Variants in PRRC2B observed in about 807,000 individuals in gnomAD.
PRRC2B encodes the protein protein PRRC2B.
A neutral mutation model predicts 242.3 loss-of-function variants in PRRC2B; 68 were observed. The observed-to-expected ratio is 0.28, with a 90% confidence interval of 0.23 to 0.34. The LOEUF is 0.34. PRRC2B is among the 10% of genes least tolerant of loss of function. The pLI is 1.00. For synonymous variants in PRRC2B, 1,228 were observed against 1,173.6 expected (o/e 1.05, Z -0.95); for missense variants, 2,835 against 2,954.8 (o/e 0.96, Z 0.94).
chr9:131,419,114 A>G (rs1837732391), intron 1 of PRRC2B, among the ~76,000 whole-genome samples: 2 of 152,200 alleles, frequency 1.3e-5, no homozygotes, highest in South Asian at 4.1e-4. Context: ...CCATAAGGCC[A>G]TCTATTGTAA....
At chr9:131,374,747 G>A (rs921567799) in intron 1 of PRRC2B, among the ~76,000 whole-genome samples, 8 of 152,034 alleles carry the variant, frequency 5.3e-5, no homozygotes, top group African/African-American at 2.4e-5. Context: ...GTCTGGTCTC[G>A]AACTCCTGAC....
At chr9:131,430,054 C>A (rs1480273192) in intron 1 of PRRC2B, 40 bp from the exon 2 acceptor site, 16 of 524,670 alleles carry the variant, frequency 3.0e-5, no homozygotes, top group South Asian at 5.5e-5. Flanking sequence ...TTTTTTTTTT[C>A]TCTCTCTTTT....
At position 131,475,765 on chromosome 9, in the gene PRRC2B, C is replaced by T. The variant is rs775660396; in HGVS notation, c.3636C>T (p.Cys1212=). 26 of 1,613,354 alleles carry T rather than the reference C, an allele frequency of 1.6e-5. No individual in the cohort carries two copies. In the Middle Eastern group the frequency reaches 6.6e-4, roughly 41 times the overall value. ...CCCTCCCTCCCCGGCTGAGCAATTG[C>T]GGGTATGGACGGAGAACCTTCGTCT... ...GRALPPRLSN[C]GYGRRTFVSK... The change falls in exon 16 of 32, where the codon TGC becomes TGT. Residue 1212 remains cysteine (C), a synonymous_variant. Coordinates refer to ENST00000683519, the MANE Select transcript of PRRC2B (RefSeq NM_013318.4).
At chr9:131,422,419 G>T (rs1837870990) in intron 1 of PRRC2B, among the ~76,000 whole-genome samples, 1 of 152,190 alleles carries the variant, frequency 6.6e-6, no homozygotes, top group East Asian at 1.9e-4. Context: ...ACAGGCAGTA[G>T]TATCTTCCAG....
chr9:131,394,515 C>T (rs917950786), intron 1 of PRRC2B, among the ~76,000 whole-genome samples: 1 of 147,716 alleles, frequency 6.8e-6, no homozygotes, highest in Non-Finnish European at 1.5e-5. Flanking sequence ...GTGGCGGCGC[C>T]GCGCGGCCTC....
chr9:131,418,690 G>A (rs993503670), intron 1 of PRRC2B, among the ~76,000 whole-genome samples: 2 of 152,338 alleles, frequency 1.3e-5, no homozygotes, highest in South Asian at 4.1e-4. Context: ...GCTGCAGCTG[G>A]CTGGGACGTG....
intron 1 of PRRC2B, among the ~76,000 whole-genome samples, chr9:131,424,327 G>A (rs1837926223): frequency 6.6e-6 from 1 of 152,080 alleles, no homozygotes; most frequent in African/African-American, 2.4e-5. Flanking sequence ...CACTCCTTCA[G>A]TAGATGAGGA....
At position 131,439,068 on chromosome 9, in the gene PRRC2B, G is replaced by C; in HGVS notation, c.469+7G>C. On this transcript the variant is annotated splice_region_variant and intron_variant, in intron 5 of 31. Coordinates refer to ENST00000683519, the MANE Select transcript of PRRC2B (RefSeq NM_013318.4). ...CCAGTAGGACACGAAGGTGGTAAGT[G>C]CGCACGTGTGTGTGTTGTTTGGGGA... is the stretch of plus-strand genomic sequence containing the variant. 1.2e-5 allele frequency: 20 copies of C among 1,612,996 alleles called. No individual in the cohort carries two copies. Among genetic ancestry groups the C allele is most frequent in the Non-Finnish European group, 1.7e-5 (20 of 1,179,208 alleles).
chr9:131,430,877 G>C (rs1277112232), intron 2 of PRRC2B, among the ~76,000 whole-genome samples: 1 of 151,876 alleles, frequency 6.6e-6, no homozygotes, highest in African/African-American at 2.4e-5. Context: ...ACAGGTGTGA[G>C]CCACTGTGCC....
At chr9:131,489,267 C>T (rs1588283136) in intron 28 of PRRC2B, among the ~76,000 whole-genome samples, 1 of 151,344 alleles carries the variant, frequency 6.6e-6, no homozygotes, top group East Asian at 1.9e-4. Context: ...TCACTGCAAC[C>T]TCTCTGTCTC....
At chr9:131,422,157 C>T (rs1378323666) in intron 1 of PRRC2B, among the ~76,000 whole-genome samples, 7 of 152,078 alleles carry the variant, frequency 4.6e-5, no homozygotes, top group African/African-American at 1.4e-4. Context: ...CGGGTTCAAG[C>T]GATTCTCCTG....
intron 1 of PRRC2B, among the ~76,000 whole-genome samples, chr9:131,427,406 C>T (rs1338026575): frequency 6.6e-6 from 1 of 152,122 alleles, no homozygotes; most frequent in Non-Finnish European, 1.5e-5. Flanking sequence ...TCTCAGCTCA[C>T]TGCAAGCTCT....
chr9:131,428,305 C>T (rs142437734), intron 1 of PRRC2B, among the ~76,000 whole-genome samples: 408 of 152,210 alleles, frequency 2.7e-3, no homozygotes, highest in Admixed American at 5.0e-3. Context: ...ACTGCAGCCT[C>T]AAGCTCCTGG....
rs571543729 is a variant in PRRC2B at position 131,494,951 on chromosome 9, C to T, written c.6555+465C>T. On this transcript the variant is annotated intron_variant, in intron 31 of 31. Coordinates refer to ENST00000683519, the MANE Select transcript of PRRC2B (RefSeq NM_013318.4). This position sits in a 1 kb window ranked among gnomAD's most constrained non-coding sequence, Gnocchi z 4.3. The stretch of plus-strand genomic sequence containing the variant: ...ACATCGCAGTGTCTTTTCCTGCACG[C>T]ACTATTCTCTTCTCTATTCTCTAAA... Among the ~76,000 whole-genome samples the T allele has an allele frequency of 2.6e-5, 4 of 152,186 alleles. No individual in the cohort carries two copies. The highest frequency in any genetic ancestry group is 2.9e-5 in the Non-Finnish European group (2 of 68,046).
At chr9:131,472,073 T>A (rs565177455) in intron 14 of PRRC2B, among the ~76,000 whole-genome samples, 187 of 152,334 alleles carry the variant, frequency 1.2e-3, no homozygotes, top group African/African-American at 4.5e-3. Context: ...TTTGTTGTCA[T>A]TAATAGTGCT....
chr9:131,460,892 T>G (rs542253561), intron 11 of PRRC2B, among the ~76,000 whole-genome samples: 1 of 152,326 alleles, frequency 6.6e-6, no homozygotes, highest in Non-Finnish European at 1.5e-5. Flanking sequence ...CCCAGCAGGC[T>G]CCTTGCTGCT....
At chr9:131,420,455 T>TCTTTCTCTCTTTCTCTCTTTCTC (rs1554758582) in intron 1 of PRRC2B, among the ~76,000 whole-genome samples, 3 of 10,056 alleles carry the variant, frequency 3.0e-4, no homozygotes, top group Non-Finnish European at 1.4e-3. Context: ...CTTTTTCTTT[T>TCTTTCTCTCTTTCTCTCTTTCTC]TCTTTCTTTC....
chr9:131,410,831 T>G (rs958788709), intron 1 of PRRC2B, among the ~76,000 whole-genome samples: 1 of 152,234 alleles, frequency 6.6e-6, no homozygotes, highest in South Asian at 2.1e-4. Context: ...TTAGGCTTTT[T>G]CTTCATTGTT....
At chr9:131,411,813 G>A (rs1468806501) in intron 1 of PRRC2B, among the ~76,000 whole-genome samples, 1 of 151,314 alleles carries the variant, frequency 6.6e-6, no homozygotes, top group African/African-American at 2.4e-5. Flanking sequence ...CAGAATTTGG[G>A]ATTTTTCTTT....
Sources: allele counts gnomAD v4.1 joint callset (sites outside exome capture counted in the v4.1 genomes callset), GRCh38; gene constraint gnomAD v4.1.1; non-coding constraint Gnocchi (gnomAD v3.1); transcripts MANE v1.5; gene names NCBI Gene and HGNC (gene_info 2026-07-23, HGNC 2026-07-21).